The following WWOX variants were observed in gnomAD, a reference collection of about 807,000 sequenced individuals.
WWOX encodes WW domain containing oxidoreductase.
Under a neutral mutation model 46.2 loss-of-function variants are expected in WWOX, and 69 were observed. The observed-to-expected ratio is 1.49, with a 90% confidence interval of 1.23 to 1.82. WWOX has a LOEUF of 1.82. WWOX is among the 40% of genes most tolerant of loss of function. WWOX has a pLI of 0.00. For synonymous variants in WWOX, 359 were observed against 202.6 expected, an observed-to-expected ratio of 1.77 and a Z score of -6.56; for missense variants, 919 against 542.6, an observed-to-expected ratio of 1.69 and a Z score of -6.89.
chr16:78,099,931 C>T, intron 1 of WWOX, 46 bp downstream of exon 1: 2 of 1,544,664 alleles, frequency 1.3e-6, no homozygotes, highest in South Asian at 2.4e-5. Flanking sequence ...GGACCCTGCA[C>T]AGCCCACGGA....
rs753829216 is a variant in WWOX at position 78,429,709 on chromosome 16, G to A, written c.792-2779G>A. Reference sequence around the variant, plus strand: ...AGCACCTTTGTGTGACACCTCTTCTGTAATACCTTATTATGTTGAAATAAA... The same window carrying A: ...AGCACCTTTGTGTGACACCTCTTCTATAATACCTTATTATGTTGAAATAAA... On this transcript the variant is annotated intron_variant, in intron 7 of 8. Coordinates refer to ENST00000566780, the MANE Select transcript of WWOX (RefSeq NM_016373.4). 7.2e-5 allele frequency among the ~76,000 whole-genome samples: 11 copies of A among 152,272 alleles called. 1 individual carries two copies. The highest frequency in any genetic ancestry group is 1.9e-4 in the African/African-American group (8 of 41,548).
chr16:79,097,828 G>A (rs908489032), intron 8 of WWOX, among the ~76,000 whole-genome samples: 12 of 152,154 alleles, frequency 7.9e-5, no homozygotes, highest in Non-Finnish European at 1.6e-4. Flanking sequence ...CCCGTCGATC[G>A]CAGTTCAGAT....
intron 8 of WWOX, among the ~76,000 whole-genome samples, chr16:78,594,289 A>T (rs2045424399): frequency 6.6e-6 from 1 of 151,828 alleles, no homozygotes; most frequent in African/African-American, 2.4e-5. Context: ...GATTCCTGAC[A>T]TTTCCGTAGA....
chr16:78,215,739 C>G (rs1241719683), intron 5 of WWOX, among the ~76,000 whole-genome samples: 3 of 152,008 alleles, frequency 2.0e-5, no homozygotes, highest in African/African-American at 7.2e-5. Flanking sequence ...ACCATCCTGG[C>G]CAACATGGTG....
At chr16:78,451,967 G>C (rs758344043) in intron 8 of WWOX, among the ~76,000 whole-genome samples, 19 of 152,066 alleles carry the variant, frequency 1.2e-4, no homozygotes, top group African/African-American at 2.4e-5. Flanking sequence ...CTTTTTTCAG[G>C]TCATATTAAT....
intron 8 of WWOX, among the ~76,000 whole-genome samples, chr16:78,748,077 T>G (rs1325695485): frequency 6.6e-6 from 1 of 152,130 alleles, no homozygotes; most frequent in Admixed American, 6.5e-5. Flanking sequence ...TCTGTTAGTT[T>G]TTTCACAGAC....
At chr16:79,151,431 C>G (rs916296585) in intron 8 of WWOX, among the ~76,000 whole-genome samples, 1 of 152,164 alleles carries the variant, frequency 6.6e-6, no homozygotes, top group Non-Finnish European at 1.5e-5. Context: ...TACCCTGGAC[C>G]AGACATTCCT....
chr16:78,825,846 C>A, intron 8 of WWOX: 1 of 625,370 alleles, frequency 1.6e-6, no homozygotes, highest in South Asian at 1.9e-5. Flanking sequence ...GTCATGCTGC[C>A]CTGGGACCCC....
intron 5 of WWOX, among the ~76,000 whole-genome samples, chr16:78,379,654 C>G (rs2081911208): frequency 6.6e-6 from 1 of 152,176 alleles, no homozygotes; most frequent in Admixed American, 6.5e-5. Flanking sequence ...CCGTAAGACC[C>G]AACATGTGGG....
intron 8 of WWOX, among the ~76,000 whole-genome samples, chr16:78,778,276 C>G (rs553334835): frequency 1.3e-5 from 2 of 152,226 alleles, no homozygotes; most frequent in African/African-American, 4.8e-5. Context: ...CTTGGCAATA[C>G]TCTGGTGATT....
At chr16:78,977,318 C>T (rs1050194647) in intron 8 of WWOX, among the ~76,000 whole-genome samples, 1 of 152,174 alleles carries the variant, frequency 6.6e-6, no homozygotes, top group Non-Finnish European at 1.5e-5. Context: ...AAGCAGAAGT[C>T]CTTTTGGATC....
At chr16:78,559,521 C>T (rs2044383828) in intron 8 of WWOX, among the ~76,000 whole-genome samples, 1 of 152,182 alleles carries the variant, frequency 6.6e-6, no homozygotes, top group African/African-American at 2.4e-5. Flanking sequence ...CAAGCATTGC[C>T]TGGATCACCT....
At chr16:78,283,089 C>T (rs745605475) in intron 5 of WWOX, among the ~76,000 whole-genome samples, 3 of 152,008 alleles carry the variant, frequency 2.0e-5, no homozygotes, top group Non-Finnish European at 2.9e-5. Flanking sequence ...GACATAGCCT[C>T]TCAAGTGGGG....
At chr16:78,232,978 A>G (rs2037318132) in intron 5 of WWOX, among the ~76,000 whole-genome samples, 1 of 152,116 alleles carries the variant, frequency 6.6e-6, no homozygotes, top group South Asian at 2.1e-4. Flanking sequence ...AGTTGCTGGG[A>G]CTACAGGCGT....
chr16:79,173,508 G>C (rs754555688), intron 8 of WWOX, among the ~76,000 whole-genome samples: 10 of 152,120 alleles, frequency 6.6e-5, no homozygotes, highest in Non-Finnish European at 1.5e-4. Flanking sequence ...GCTTCTGATG[G>C]CCTGAGAAGC....
At chr16:78,372,618 C>G (rs1373209583) in intron 5 of WWOX, among the ~76,000 whole-genome samples, 2 of 152,170 alleles carry the variant, frequency 1.3e-5, no homozygotes, top group Non-Finnish European at 2.9e-5. Context: ...GGGTTACTCT[C>G]CTTAGGGGAA....
At chr16:78,206,419 G>A (rs1000188649) in intron 5 of WWOX, among the ~76,000 whole-genome samples, 14 of 152,070 alleles carry the variant, frequency 9.2e-5, no homozygotes, top group African/African-American at 3.4e-4. Context: ...TGGTATTTTA[G>A]GGTTTCTAAG....
At chr16:78,324,804 G>A (rs71396170) in intron 5 of WWOX, among the ~76,000 whole-genome samples, 1 of 151,806 alleles carries the variant, frequency 6.6e-6, no homozygotes, top group Non-Finnish European at 1.5e-5. Flanking sequence ...GGCGGGATAG[G>A]AGGGGTAGAG....
At chr16:78,779,381 A>G (rs2050270062) in intron 8 of WWOX, among the ~76,000 whole-genome samples, 2 of 152,138 alleles carry the variant, frequency 1.3e-5, no homozygotes, top group South Asian at 2.1e-4. Context: ...TCTTGAGCTC[A>G]AGAAATCCTT....
Sources: gnomAD v4.1 joint callset for allele counts (sites outside exome capture counted in the v4.1 genomes callset) on GRCh38, gnomAD v4.1.1 for gene constraint, MANE v1.5 for transcripts, NCBI Gene and HGNC (gene_info 2026-07-23, HGNC 2026-07-21) for gene names.